Variants in DEPTOR observed in about 807,000 individuals in gnomAD.
The protein encoded by DEPTOR is DEP domain-containing mTOR-interacting protein.
DEPTOR carries 41 observed loss-of-function variants against 41.6 expected under a neutral mutation model. The ratio of observed to expected loss-of-function variants is 0.98; its 90% CI spans 0.77 to 1.28. DEPTOR has a LOEUF of 1.28. Ranked by LOEUF, DEPTOR falls within the 50% of genes most tolerant of loss-of-function variation. DEPTOR has a pLI of 0.00. For synonymous variants in DEPTOR, 195 were observed against 192.3 expected, an observed-to-expected ratio of 1.01 and a Z score of -0.12; for missense variants, 514 against 527.9, an observed-to-expected ratio of 0.97 and a Z score of 0.26.
chr8:119,982,273 G>T (rs1426856705), intron 4 of DEPTOR, among the ~76,000 whole-genome samples: 1 of 152,064 alleles, frequency 6.6e-6, no homozygotes, highest in African/African-American at 2.4e-5. Context: ...CCCCTGTTCT[G>T]TTGCAGGGGA....
In DEPTOR at chr8:119,964,060, C is replaced by T. The variant is rs142176610; in HGVS notation, c.426-1172C>T. 8.5e-5 allele frequency among the ~76,000 whole-genome samples: 13 copies of T among 152,224 alleles called. No homozygotes were observed. In the East Asian group the frequency reaches 1.5e-3, roughly 18 times the overall value. On this transcript the variant is annotated intron_variant, in intron 3 of 8. Coordinates refer to ENST00000286234, the MANE Select transcript of DEPTOR (RefSeq NM_022783.4). ...TGGCTGTCTTCTGGCTATGTTCTCA[C>T]GTGGCAAGAGCAGAGAGAGAGAAAG...
At chr8:120,042,735 G>A (rs1367942966) in intron 8 of DEPTOR, among the ~76,000 whole-genome samples, 2 of 151,762 alleles carry the variant, frequency 1.3e-5, no homozygotes, top group African/African-American at 4.8e-5. Context: ...GGTCAAGCTG[G>A]TCTCGAACTC....
chr8:119,930,034 A>T, intron 3 of DEPTOR, 96 bp downstream of exon 3: 2 of 1,435,550 alleles, frequency 1.4e-6, no homozygotes, highest in South Asian at 3.1e-5. Flanking sequence ...TGGCTTTTCT[A>T]TGTGGGCTGG....
chr8:119,940,444 G>A (rs1714374656), intron 3 of DEPTOR, among the ~76,000 whole-genome samples: 1 of 151,912 alleles, frequency 6.6e-6, no homozygotes, highest in Non-Finnish European at 1.5e-5. Flanking sequence ...ATATTATTCA[G>A]CCTTAAAAAG....
intron 8 of DEPTOR, among the ~76,000 whole-genome samples, chr8:120,034,474 G>A (rs1812946033): frequency 1.0e-5 from 1 of 100,024 alleles, no homozygotes; most frequent in Non-Finnish European, 1.8e-5. Context: ...TTGAGATGGA[G>A]TCTTGCTCTG....
chr8:119,898,760 C>CA (rs1827551972), intron 1 of DEPTOR, among the ~76,000 whole-genome samples: 1 of 151,448 alleles, frequency 6.6e-6, no homozygotes, highest in Non-Finnish European at 1.5e-5. Flanking sequence ...TTTAGGAAAG[C>CA]AAGCTTAGGG....
chr8:119,994,139 A>AG (rs573108034), intron 4 of DEPTOR, among the ~76,000 whole-genome samples: 2 of 77,084 alleles, frequency 2.6e-5, no homozygotes, highest in African/African-American at 4.5e-5. Context: ...CTCCATCTCG[A>AG]AAAAAAAAAG....
chr8:119,999,370 A>G (rs1246468089), intron 4 of DEPTOR, among the ~76,000 whole-genome samples: 1 of 152,228 alleles, frequency 6.6e-6, no homozygotes, highest in Non-Finnish European at 1.5e-5. Context: ...CACTTACTTA[A>G]GGTCATGCTG....
chr8:120,027,794 C>T (rs755714951), intron 8 of DEPTOR, among the ~76,000 whole-genome samples: 1 of 151,888 alleles, frequency 6.6e-6, no homozygotes, highest in Non-Finnish European at 1.5e-5. Flanking sequence ...TTATTTAAAA[C>T]AAGCATAAAC....
intron 1 of DEPTOR, among the ~76,000 whole-genome samples, chr8:119,881,618 A>G (rs1167367072): frequency 1.3e-5 from 2 of 152,166 alleles, no homozygotes; most frequent in Non-Finnish European, 2.9e-5. Context: ...TTTAGAGCAT[A>G]CACAACAGGA....
At chr8:120,036,143 C>T (rs1812975578) in intron 8 of DEPTOR, among the ~76,000 whole-genome samples, 1 of 152,128 alleles carries the variant, frequency 6.6e-6, no homozygotes, top group East Asian at 1.9e-4. Context: ...CTGAGCAGAG[C>T]GTACCAAGAG....
rs569319500 is a variant in DEPTOR, at chr8:119,928,300, A to G, written c.123-100A>G. The G allele has an allele frequency of 5.4e-4, 695 of 1,283,430 alleles. 1 individual carries two copies. Among genetic ancestry groups the G allele is most frequent in the Non-Finnish European group, 7.0e-4 (647 of 928,590 alleles). The allele number at this position is 1,283,430 out of a possible 1,614,324, so 79.5% of individuals were successfully genotyped here. A position where few individuals can be genotyped will look rare whatever the true frequency, so the allele number is the denominator to read the frequency against. On this transcript the variant is annotated intron_variant, in intron 1 of 8. Transcript: ENST00000286234. Reference sequence around the variant, plus strand: ...GCTAAAGATATTCAATGACACCTTCATGCCTTTAGAACTTCTGTTATGTTA... The same window carrying G: ...GCTAAAGATATTCAATGACACCTTCGTGCCTTTAGAACTTCTGTTATGTTA...
intron 4 of DEPTOR, among the ~76,000 whole-genome samples, chr8:119,985,958 C>T (rs887519652): frequency 4.7e-5 from 7 of 148,606 alleles, no homozygotes; most frequent in Admixed American, 2.7e-4. Flanking sequence ...TACAGCACAC[C>T]GATGGGTTTT....
Position 119,873,733 on chromosome 8 carries a change from C to A in DEPTOR, c.-114C>A. 6.9e-7 allele frequency: 1 copy of A among 1,451,962 alleles called. No individual in the cohort carries two copies. Among genetic ancestry groups the A allele is most frequent in the Non-Finnish European group, 9.2e-7 (1 of 1,084,154 alleles). 89.9% of individuals were successfully genotyped at this position (1,451,962 alleles called of 1,614,324 possible). A position where few individuals can be genotyped will look rare whatever the true frequency, so the allele number is the denominator to read the frequency against. The stretch of plus-strand genomic sequence containing the variant: ...TCTCCAGCCAATCCAGTCAGAGCAG[C>A]GGAGCTGCCCCGAACAAAGATGGCG... On this transcript the variant is annotated 5_prime_UTR_variant, in exon 1 of 9. Transcript: ENST00000286234.
intron 4 of DEPTOR, among the ~76,000 whole-genome samples, chr8:119,997,982 T>C (rs554567970): frequency 6.8e-4 from 104 of 152,380 alleles, no homozygotes; most frequent in African/African-American, 2.4e-3. Flanking sequence ...ATTGAATTTT[T>C]TGTTTAACTT....
At chr8:119,919,704 T>C (rs1827866150) in intron 1 of DEPTOR, among the ~76,000 whole-genome samples, 2 of 152,190 alleles carry the variant, frequency 1.3e-5, no homozygotes, top group South Asian at 2.1e-4. Context: ...ATGTCAGTAC[T>C]GTTGCCCAAA....
At chr8:119,883,176 G>A (rs1827320245) in intron 1 of DEPTOR, among the ~76,000 whole-genome samples, 1 of 151,932 alleles carries the variant, frequency 6.6e-6, no homozygotes, top group Admixed American at 6.6e-5. Context: ...TGCAGTGTGA[G>A]ACAAGATATG....
intron 1 of DEPTOR, among the ~76,000 whole-genome samples, chr8:119,917,165 C>T (rs907230503): frequency 1.3e-5 from 2 of 152,192 alleles, no homozygotes; most frequent in African/African-American, 4.8e-5. Flanking sequence ...TTCTAGAGAG[C>T]TACACATTAT....
intron 3 of DEPTOR, among the ~76,000 whole-genome samples, chr8:119,938,471 T>A (rs1337621088): frequency 6.6e-6 from 1 of 152,206 alleles, no homozygotes; most frequent in Non-Finnish European, 1.5e-5. Context: ...CACCTAGAAA[T>A]ACATGTTTGT....
Sources: gnomAD v4.1 joint callset for allele counts (sites outside exome capture counted in the v4.1 genomes callset) on GRCh38, gnomAD v4.1.1 for gene constraint, MANE v1.5 for transcripts, NCBI Gene and HGNC (gene_info 2026-07-23, HGNC 2026-07-21) for gene names.